CAPZB: variants seen among roughly 807,000 people sequenced by gnomAD.
The protein encoded by CAPZB is F-actin-capping protein subunit beta.
CAPZB carries 2 observed loss-of-function variants against 38.1 expected under a neutral mutation model. The ratio of observed to expected loss-of-function variants is 0.05; its 90% CI spans 0.02 to 0.17. CAPZB has a LOEUF of 0.17. Among genes scored for constraint, CAPZB ranks in the 10% least tolerant of loss-of-function variants. The probability of loss-of-function intolerance (pLI) is 1.00; values close to 1 mark genes in which losing one functional copy is unlikely to be tolerated. For synonymous variants in CAPZB, 107 were observed against 127.4 expected (o/e 0.84, Z 1.08); for missense variants, 161 against 334.2 (o/e 0.48, Z 4.04).
chr1:19,419,525 C>T, intron 2 of CAPZB, 136 bp downstream of exon 2: 1 of 614,778 alleles, frequency 1.6e-6, no homozygotes, highest in East Asian at 2.8e-5. Context: ...CTGGAGGAAT[C>T]TCATAGTCCA....
At chr1:19,444,447 A>C (rs946350211) in intron 1 of CAPZB, among the ~76,000 whole-genome samples, 1 of 152,230 alleles carries the variant, frequency 6.6e-6, no homozygotes, top group Admixed American at 6.5e-5. Context: ...TCATATAAAC[A>C]AACAAACCTT....
Position 19,347,173 on chromosome 1 carries a change from C to T in CAPZB, c.589-1921G>A, listed in dbSNP as rs7534661. On this transcript the variant is annotated intron_variant, in intron 6 of 8. Transcript: ENST00000264202. The stretch of plus-strand genomic sequence containing the variant: ...CTTTTGTCAAAAAAGGAAGAATGGC[C>T]TCTGCAAGGAAACGCTAGCTCGAAA... Among the ~76,000 whole-genome samples the T allele has an allele frequency of 2.6e-3, 389 of 152,116 alleles. 1 individual carries two copies. Among genetic ancestry groups the T allele is most frequent in the African/African-American group, 9.0e-3 (375 of 41,490 alleles).
rs562614862 is a variant in CAPZB, at chr1:19,378,661, G to A, written c.216-8C>T. 197 of 1,465,138 alleles carry A rather than the reference G, an allele frequency of 1.3e-4. 1 individual carries two copies. Among genetic ancestry groups the A allele is most frequent in the Non-Finnish European group, 1.8e-4 (189 of 1,045,120 alleles). 90.8% of individuals were successfully genotyped at this position (1,465,138 alleles called of 1,614,324 possible). ...TTGTTACTCCATGGTGACCTGGAGG[G>A]AAGGAAGGAAAAGTATATACCATGA... On this transcript the variant is annotated splice_region_variant and splice_polypyrimidine_tract_variant and intron_variant, in intron 3 of 8. Transcript: ENST00000264202.
At chr1:19,429,645 A>G (rs1468069792) in intron 1 of CAPZB, among the ~76,000 whole-genome samples, 1 of 152,232 alleles carries the variant, frequency 6.6e-6, no homozygotes, top group Non-Finnish European at 1.5e-5. Context: ...CCCAGAGAGT[A>G]AAGCACATGG....
intron 1 of CAPZB, among the ~76,000 whole-genome samples, chr1:19,476,124 G>C (rs756667986): frequency 6.6e-6 from 1 of 151,984 alleles, no homozygotes; most frequent in South Asian, 2.1e-4. Context: ...ACAAGTTCGA[G>C]ACCAGCCTGG....
chr1:19,448,792 C>T, intron 1 of CAPZB: 1 of 1,611,140 alleles, frequency 6.2e-7, no homozygotes, highest in Non-Finnish European at 8.5e-7. Context: ...CCACGGCCAC[C>T]TGTTGCTCCT....
At chr1:19,344,585 G>T (rs59798943) in intron 7 of CAPZB, 151 bp from the exon 8 acceptor site, 9,604 of 657,682 alleles carry the variant, frequency 0.015, 604 homozygotes, top group African/African-American at 0.14. Context: ...GCTCCAGGCT[G>T]CCAAGACCCC....
chr1:19,456,899 G>GT (rs1264429359), intron 1 of CAPZB, among the ~76,000 whole-genome samples: 2 of 152,212 alleles, frequency 1.3e-5, no homozygotes, highest in Non-Finnish European at 2.9e-5. Flanking sequence ...ACAGAAGATG[G>GT]TAAGAGCACT....
intron 4 of CAPZB, among the ~76,000 whole-genome samples, chr1:19,375,656 C>A (rs748674426): frequency 2.0e-5 from 3 of 152,204 alleles, no homozygotes; most frequent in Non-Finnish European, 4.4e-5. Flanking sequence ...AGTGTGTAGG[C>A]AAGTCAAAGG....
intron 8 of CAPZB, 140 bp from the exon 9 acceptor site, chr1:19,339,757 G>A (rs1303197837): frequency 5.5e-6 from 4 of 724,904 alleles, no homozygotes; most frequent in Non-Finnish European, 1.0e-5. Context: ...TCACTGGGCT[G>A]GGCATCTGCC....
At chr1:19,408,972 T>A (rs758687305) in intron 2 of CAPZB, among the ~76,000 whole-genome samples, 2 of 152,190 alleles carry the variant, frequency 1.3e-5, no homozygotes, top group African/African-American at 2.4e-5. Context: ...TACCCCATTT[T>A]ACCAAACACT....
At chr1:19,462,234 C>T (rs1217307628) in intron 1 of CAPZB, among the ~76,000 whole-genome samples, 10 of 151,490 alleles carry the variant, frequency 6.6e-5, no homozygotes, top group Admixed American at 2.0e-4. Flanking sequence ...AGGTGGATCA[C>T]GAGGTCAGGA....
chr1:19,413,299 C>A (rs1357491142), intron 2 of CAPZB, among the ~76,000 whole-genome samples: 1 of 152,184 alleles, frequency 6.6e-6, no homozygotes. Context: ...GAATCCATTA[C>A]CTTTTCACTT....
chr1:19,458,428 A>T (rs898904526), intron 1 of CAPZB, among the ~76,000 whole-genome samples: 1 of 152,180 alleles, frequency 6.6e-6, no homozygotes, highest in Admixed American at 6.5e-5. Flanking sequence ...ATCTCAGCTC[A>T]CTGCAACCCT....
chr1:19,479,037 T>C (rs948069430), intron 1 of CAPZB, among the ~76,000 whole-genome samples: 1 of 152,086 alleles, frequency 6.6e-6, no homozygotes, highest in Non-Finnish European at 1.5e-5. Context: ...GGTGAAACCC[T>C]GTCTCTACTA....
At chr1:19,393,314 G>A (rs1477323474) in intron 2 of CAPZB, among the ~76,000 whole-genome samples, 1 of 152,224 alleles carries the variant, frequency 6.6e-6, no homozygotes, top group African/African-American at 2.4e-5. Flanking sequence ...TGCTCCCAGA[G>A]ACTCAGGCAA....
At chr1:19,458,403 G>A (rs954566833) in intron 1 of CAPZB, among the ~76,000 whole-genome samples, 2 of 152,180 alleles carry the variant, frequency 1.3e-5, no homozygotes, top group Non-Finnish European at 2.9e-5. Context: ...GCCCAGGCTG[G>A]AGTGCAGTGG....
chr1:19,425,148 C>G (rs2094417695), intron 1 of CAPZB, among the ~76,000 whole-genome samples: 1 of 152,212 alleles, frequency 6.6e-6, no homozygotes, highest in Non-Finnish European at 1.5e-5. Context: ...TAAACTGTCA[C>G]CTGGTGGCTA....
At chr1:19,441,285 T>C (rs2094475549) in intron 1 of CAPZB, among the ~76,000 whole-genome samples, 1 of 152,168 alleles carries the variant, frequency 6.6e-6, no homozygotes, top group Admixed American at 6.5e-5. Flanking sequence ...GGTGGCACAC[T>C]GCTGGCCTGA....
Sources: gnomAD v4.1 joint callset for allele counts (sites outside exome capture counted in the v4.1 genomes callset) on GRCh38, gnomAD v4.1.1 for gene constraint, MANE v1.5 for transcripts, NCBI Gene and HGNC (gene_info 2026-07-23, HGNC 2026-07-21) for gene names.